The following UNC13C variants were observed in gnomAD, a reference collection of about 807,000 sequenced individuals.
UNC13C encodes unc-13 homolog C.
Under a neutral mutation model 245.4 loss-of-function variants are expected in UNC13C, and 174 were observed. The observed-to-expected ratio is 0.71, with a 90% CI of 0.63 to 0.80. UNC13C has a LOEUF of 0.80. Ranked by LOEUF, UNC13C falls within the 30% of genes least tolerant of loss-of-function variation. UNC13C has a pLI of 0.00. For synonymous variants in UNC13C, 992 were observed against 895.1 expected (o/e 1.11, Z -1.93); for missense variants, 2,829 against 2,602.9 (o/e 1.09, Z -1.89).
chr15:54,198,041 G>T (rs1237887404), intron 4 of UNC13C, among the ~76,000 whole-genome samples: 1 of 152,080 alleles, frequency 6.6e-6, no homozygotes. Context: ...GGTGAGGCTT[G>T]TGACTGCCAG....
intron 4 of UNC13C, among the ~76,000 whole-genome samples, chr15:54,165,232 T>C (rs1290607189): frequency 6.6e-6 from 1 of 152,168 alleles, no homozygotes; most frequent in Non-Finnish European, 1.5e-5. Context: ...TTTTCATAAA[T>C]ATGAAATCAT....
intron 18 of UNC13C, among the ~76,000 whole-genome samples, chr15:54,399,180 A>C (rs2040131176): frequency 1.3e-5 from 2 of 151,590 alleles, no homozygotes; most frequent in African/African-American, 4.8e-5. Flanking sequence ...TCATTATTGG[A>C]GATAAGAAAT....
chr15:54,582,053 G>A (rs1003564518), intron 30 of UNC13C, among the ~76,000 whole-genome samples: 51 of 151,842 alleles, frequency 3.4e-4, no homozygotes, highest in Non-Finnish European at 5.1e-4. Flanking sequence ...GAGAAGGAAA[G>A]AAGGAAGGAA....
chr15:53,855,795 C>G, the UNC13C span, among the ~76,000 whole-genome samples: 6 of 152,238 alleles, frequency 3.9e-5, no homozygotes, highest in South Asian at 1.2e-3. Flanking sequence ...TCAGGATGAT[C>G]CTGGCCTCAT....
At chr15:54,286,951 CTCTT>C (rs147657514) in intron 10 of UNC13C, among the ~76,000 whole-genome samples, 1 of 152,264 alleles carries the variant, frequency 6.6e-6, no homozygotes, top group East Asian at 1.9e-4. Context: ...ATATGAATCA[CTCTT>C]TAAGAAGAGA....
intron 2 of UNC13C, among the ~76,000 whole-genome samples, chr15:54,115,061 C>G (rs1436492366): frequency 1.3e-5 from 2 of 151,910 alleles, no homozygotes; most frequent in Admixed American, 6.6e-5. Context: ...TCCATTTGCT[C>G]TATGTTCTGG....
chr15:53,996,630 C>G (rs1219281516), intron 1 of UNC13C, among the ~76,000 whole-genome samples: 1 of 152,170 alleles, frequency 6.6e-6, no homozygotes, highest in South Asian at 2.1e-4. Context: ...TCAAGTCAAT[C>G]TCCACTCTTC....
At chr15:54,412,188 A>G (rs1342979429) in intron 18 of UNC13C, among the ~76,000 whole-genome samples, 1 of 151,930 alleles carries the variant, frequency 6.6e-6, no homozygotes, top group African/African-American at 2.4e-5. Flanking sequence ...CCTGGGTGAC[A>G]GAGTGAGACT....
At chr15:54,322,501 A>G (rs888683123) in intron 14 of UNC13C, among the ~76,000 whole-genome samples, 3 of 151,962 alleles carry the variant, frequency 2.0e-5, no homozygotes, top group Admixed American at 6.6e-5. Flanking sequence ...TGCACTTCCT[A>G]TTGGTTCCTT....
intron 26 of UNC13C, among the ~76,000 whole-genome samples, chr15:54,541,592 C>G (rs1377437449): frequency 2.0e-5 from 3 of 152,194 alleles, no homozygotes; most frequent in Admixed American, 1.3e-4. Flanking sequence ...GGAAGACAGG[C>G]TGGATTTAGA....
At chr15:54,399,270 C>G (rs1462246960) in intron 18 of UNC13C, among the ~76,000 whole-genome samples, 1 of 151,522 alleles carries the variant, frequency 6.6e-6, no homozygotes, top group Admixed American at 6.6e-5. Context: ...TGTGGGTCTT[C>G]CAAGCATTAT....
chr15:54,298,119 T>G (rs2037483812), intron 12 of UNC13C, among the ~76,000 whole-genome samples, 193 bp downstream of exon 12: 1 of 152,140 alleles, frequency 6.6e-6, no homozygotes, highest in South Asian at 2.1e-4. Flanking sequence ...GAACTTGTCA[T>G]CTAATGAGAG....
At chr15:54,077,831 T>G (rs1898720487) in intron 2 of UNC13C, among the ~76,000 whole-genome samples, 1 of 152,130 alleles carries the variant, frequency 6.6e-6, no homozygotes, top group South Asian at 2.1e-4. Context: ...TTAAAAAAAT[T>G]TTATTACAGA....
intron 10 of UNC13C, among the ~76,000 whole-genome samples, chr15:54,280,033 G>C (rs2036934528): frequency 2.0e-5 from 3 of 152,118 alleles, no homozygotes; most frequent in East Asian, 1.9e-4. Flanking sequence ...TAACATTTTA[G>C]TAATGTGTGT....
the UNC13C span, among the ~76,000 whole-genome samples, chr15:53,866,904 C>A: frequency 6.6e-6 from 1 of 152,082 alleles, no homozygotes; most frequent in African/African-American, 2.4e-5. Flanking sequence ...ACCTTAAAAC[C>A]ACACTATGCC....
intron 13 of UNC13C, among the ~76,000 whole-genome samples, chr15:54,317,209 G>A (rs1262441589): frequency 6.6e-6 from 1 of 151,918 alleles, no homozygotes; most frequent in African/African-American, 2.4e-5. Context: ...GTGAATGTAA[G>A]TTGGACATTA....
chr15:53,935,216 A>T, the UNC13C span, among the ~76,000 whole-genome samples: 1 of 151,714 alleles, frequency 6.6e-6, no homozygotes, highest in Admixed American at 6.6e-5. Context: ...ACCCATTATG[A>T]GTGTTGCTTA....
At chr15:54,209,223 A>C (rs2034804997) in intron 4 of UNC13C, among the ~76,000 whole-genome samples, 1 of 152,072 alleles carries the variant, frequency 6.6e-6, no homozygotes. Context: ...TAGAAACCCA[A>C]AGAAGGGAAA....
At chr15:54,100,745 A>G (rs987472669) in intron 2 of UNC13C, among the ~76,000 whole-genome samples, 4 of 151,998 alleles carry the variant, frequency 2.6e-5, no homozygotes, top group African/African-American at 9.7e-5. Flanking sequence ...AATTAACATT[A>G]TTTCAAAACC....
Sources: gnomAD v4.1 joint callset for allele counts (sites outside exome capture counted in the v4.1 genomes callset) on GRCh38, gnomAD v4.1.1 for gene constraint, MANE v1.5 for transcripts, NCBI Gene and HGNC (gene_info 2026-07-23, HGNC 2026-07-21) for gene names.